Variants in BTC observed in about 807,000 individuals in gnomAD.
BTC encodes the protein probetacellulin.
A neutral mutation model predicts 18.1 loss-of-function variants in BTC; 13 were observed. The observed-to-expected ratio is 0.72, with a 90% CI of 0.47 to 1.14. The LOEUF (loss-of-function observed/expected upper bound fraction) is 1.14, where lower values mean the gene tolerates loss of function less well. Ranked by LOEUF, BTC falls within the 50% of genes most tolerant of loss-of-function variation. The pLI, the probability that BTC is intolerant of heterozygous loss-of-function variation, is 0.00. For synonymous variants in BTC, 83 were observed against 79.4 expected (o/e 1.05, Z -0.24); for missense variants, 247 against 224.2 (o/e 1.10, Z -0.65).
At chr4:74,754,441 G>C (rs1724543887) in intron 3 of BTC, among the ~76,000 whole-genome samples, 1 of 152,174 alleles carries the variant, frequency 6.6e-6, no homozygotes. Flanking sequence ...GGTGTGGCTA[G>C]ATCACAGGGG....
At chr4:74,766,109 T>C (rs1321935637) in intron 2 of BTC, among the ~76,000 whole-genome samples, 1 of 152,092 alleles carries the variant, frequency 6.6e-6, no homozygotes, top group Non-Finnish European at 1.5e-5. Context: ...ATAGTATATC[T>C]GTATAAGGCA....
intron 1 of BTC, among the ~76,000 whole-genome samples, chr4:74,779,359 A>G (rs539578207): frequency 4.6e-5 from 7 of 152,280 alleles, no homozygotes; most frequent in African/African-American, 1.4e-4. Flanking sequence ...TACTATTACC[A>G]TTATTAAATC....
intron 1 of BTC, among the ~76,000 whole-genome samples, chr4:74,787,394 T>C (rs553211347): frequency 1.6e-4 from 24 of 152,324 alleles, no homozygotes; most frequent in Admixed American, 1.4e-3. Context: ...AGATTAAATA[T>C]TGCCTCTCCC....
At chr4:74,753,313 A>C (rs925168491) in intron 3 of BTC, among the ~76,000 whole-genome samples, 4 of 152,322 alleles carry the variant, frequency 2.6e-5, no homozygotes, top group Non-Finnish European at 4.4e-5. Flanking sequence ...GATCCTTATT[A>C]CCACCTTTGA....
In BTC at chr4:74,794,346, GGGCA is replaced by G; in HGVS notation, c.-25_-22del. On this transcript the variant is annotated 5_prime_UTR_variant, in exon 1 of 6. Coordinates refer to ENST00000395743, the MANE Select transcript of BTC (RefSeq NM_001729.4). ...TCCATCAACCCCGCTCTGCCGGGCC[GGGCA>G]GCCCCTAGACAAGTCTCCCTCCTTC... 1.9e-6 allele frequency: 3 copies of G among 1,538,510 alleles called. No homozygotes were observed. The highest frequency in any genetic ancestry group is 2.6e-6 in the Non-Finnish European group (3 of 1,142,774).
intron 1 of BTC, among the ~76,000 whole-genome samples, chr4:74,791,998 CACACACACAA>C (rs761379204): frequency 2.0e-3 from 296 of 146,052 alleles, no homozygotes; most frequent in African/African-American, 7.5e-3. Context: ...CACACACACA[CACACACACAA>C]ACACTAGTGT....
At chr4:74,748,535 C>CA (rs113469286) in intron 4 of BTC, among the ~76,000 whole-genome samples, 356 of 138,472 alleles carry the variant, frequency 2.6e-3, no homozygotes, top group African/African-American at 4.7e-3. Flanking sequence ...GACTCCGTCA[C>CA]AAAAAAAAAA....
intron 2 of BTC, among the ~76,000 whole-genome samples, chr4:74,758,627 C>T (rs1254476406): frequency 6.6e-6 from 1 of 152,112 alleles, no homozygotes. Context: ...TTTAAATGCA[C>T]CCAGACTTTT....
At chr4:74,750,511 G>A in intron 4 of BTC, 62 bp downstream of exon 4, 1 of 1,497,240 alleles carries the variant, frequency 6.7e-7, no homozygotes, top group Non-Finnish European at 9.0e-7. Context: ...AAGAAAAGAA[G>A]AAAAACTATG....
intron 1 of BTC, among the ~76,000 whole-genome samples, chr4:74,791,049 A>G (rs1162674743): frequency 1.3e-5 from 2 of 152,196 alleles, no homozygotes; most frequent in Non-Finnish European, 2.9e-5. Flanking sequence ...CTCTCCCTAG[A>G]CAGGACATTC....
At position 74,755,960 on chromosome 4, in the gene BTC, T is replaced by C. The variant is rs782191240; in HGVS notation, c.180A>G (p.Ser60=). The C allele has an allele frequency of 1.7e-5, 28 of 1,613,978 alleles. No individual in the cohort carries two copies. The highest frequency in any genetic ancestry group is 2.0e-5 in the Non-Finnish European group (24 of 1,179,974). Residue 60 remains serine, a synonymous_variant, in exon 3 of 6, where the codon TCA becomes TCG. Transcript: ENST00000395743. ...EENCAATTTQ[S]KRKGHFSRCP... ...ACCTAGAGAAGTGGCCTTTCCGCTT[T>C]GATTGTGTGGTGGTAGCTGGAAAAT...
At chr4:74,756,541 G>C (rs1388450401) in intron 2 of BTC, among the ~76,000 whole-genome samples, 1 of 152,190 alleles carries the variant, frequency 6.6e-6, no homozygotes, top group African/African-American at 2.4e-5. Context: ...CACACAGATA[G>C]AAAGTGGAAA....
chr4:74,777,306 C>A (rs757220619), intron 1 of BTC, among the ~76,000 whole-genome samples: 1 of 152,036 alleles, frequency 6.6e-6, no homozygotes, highest in Non-Finnish European at 1.5e-5. Context: ...AGAAATTATG[C>A]GTTTGTAACT....
intron 4 of BTC, among the ~76,000 whole-genome samples, chr4:74,748,449 T>G (rs1553955724): frequency 6.6e-6 from 1 of 151,140 alleles, no homozygotes; most frequent in African/African-American, 2.4e-5. Context: ...GGCAGGAGAA[T>G]GGCGTGAACC....
chr4:74,793,185 C>T (rs1725680563), intron 1 of BTC, among the ~76,000 whole-genome samples: 1 of 152,182 alleles, frequency 6.6e-6, no homozygotes, highest in Non-Finnish European at 1.5e-5. Context: ...TTACTGACTC[C>T]TTCCTCTTCA....
At chr4:74,792,637 A>G (rs1322389429) in intron 1 of BTC, among the ~76,000 whole-genome samples, 2 of 152,168 alleles carry the variant, frequency 1.3e-5, no homozygotes, top group Admixed American at 6.5e-5. Context: ...GTTCTTCATA[A>G]TCTGTCTGCC....
chr4:74,794,234 G>T (rs1485586689), intron 1 of BTC, 28 bp downstream of exon 1: 1 of 1,549,978 alleles, frequency 6.5e-7, no homozygotes, highest in Non-Finnish European at 8.7e-7. Context: ...TTTCCTCCTG[G>T]TTTCCAGTGC....
chr4:74,789,991 C>G (rs1351646560), intron 1 of BTC, among the ~76,000 whole-genome samples: 4 of 151,294 alleles, frequency 2.6e-5, no homozygotes, highest in African/African-American at 9.8e-5. Flanking sequence ...TTTATTTTTT[C>G]AAAAGTAGAT....
At chr4:74,762,598 G>A (rs1724790201) in intron 2 of BTC, among the ~76,000 whole-genome samples, 2 of 151,824 alleles carry the variant, frequency 1.3e-5, no homozygotes, top group African/African-American at 2.4e-5. Flanking sequence ...GCTGAAGGAA[G>A]GAAGGAAACA....
Sources: gnomAD v4.1 joint callset for allele counts (sites outside exome capture counted in the v4.1 genomes callset) on GRCh38, gnomAD v4.1.1 for gene constraint, MANE v1.5 for transcripts, NCBI Gene and HGNC (gene_info 2026-07-23, HGNC 2026-07-21) for gene names.